ARL13B: variants seen among roughly 807,000 people sequenced by gnomAD.
ARL13B encodes ADP-ribosylation factor-like protein 13B.
In ARL13B, 36 loss-of-function variants were observed where a neutral mutation model predicts 56.1. The observed-to-expected ratio is 0.64, with a 90% CI of 0.49 to 0.85. The LOEUF (loss-of-function observed/expected upper bound fraction) is 0.85, where lower values mean the gene tolerates loss of function less well. Ranked by LOEUF, ARL13B falls within the 40% of genes least tolerant of loss-of-function variation. The pLI, the probability that ARL13B is intolerant of heterozygous loss-of-function variation, is 0.00. For synonymous variants in ARL13B, 178 were observed against 171.1 expected (o/e 1.04, Z -0.32); for missense variants, 519 against 507.1 (o/e 1.02, Z -0.23).
intron 7 of ARL13B, 114 bp downstream of exon 7, chr3:94,043,354 C>A: frequency 1.1e-6 from 1 of 930,006 alleles, no homozygotes; most frequent in Non-Finnish European, 1.6e-6. Flanking sequence ...ATTTTTCTGT[C>A]TTCAAATGCC....
intron 1 of ARL13B, chr3:93,989,023 G>T: frequency 1.2e-5 from 3 of 259,504 alleles, no homozygotes; most frequent in South Asian, 4.1e-5. Flanking sequence ...GGGCTGCCTG[G>T]CTACTGGCAC....
chr3:94,015,538 C>G (rs991866942), intron 3 of ARL13B, among the ~76,000 whole-genome samples: 1 of 152,120 alleles, frequency 6.6e-6, no homozygotes, highest in Admixed American at 6.5e-5. Context: ...AGCAGTGATG[C>G]AGACACAGTT....
intron 3 of ARL13B, among the ~76,000 whole-genome samples, chr3:94,016,623 T>C (rs1575983730): frequency 6.6e-6 from 1 of 151,734 alleles, no homozygotes; most frequent in Admixed American, 6.6e-5. Context: ...TATGAAAGTA[T>C]TGGAGATTTT....
At chr3:94,045,632 C>G (rs918174059) in intron 7 of ARL13B, among the ~76,000 whole-genome samples, 1 of 151,656 alleles carries the variant, frequency 6.6e-6, no homozygotes, top group Non-Finnish European at 1.5e-5. Flanking sequence ...GAAGAAAGAT[C>G]AAGGTTAAAG....
At chr3:94,014,913 T>C (rs113044944) in intron 3 of ARL13B, 4 of 1,613,464 alleles carry the variant, frequency 2.5e-6, no homozygotes, top group Non-Finnish European at 3.4e-6. Flanking sequence ...TTTCAACCTC[T>C]GACTTTTTAA....
chr3:94,027,611 CATT>C (rs969501644), intron 3 of ARL13B, among the ~76,000 whole-genome samples: 5 of 151,944 alleles, frequency 3.3e-5, no homozygotes, highest in Non-Finnish European at 7.4e-5. Flanking sequence ...ATATAAAAGT[CATT>C]ATTATTTTGA....
At chr3:94,048,655 C>G (rs2077020390) in intron 7 of ARL13B, among the ~76,000 whole-genome samples, 1 of 151,744 alleles carries the variant, frequency 6.6e-6, no homozygotes, top group South Asian at 2.1e-4. Context: ...GGCAGTGTCA[C>G]AATCACACTC....
chr3:94,046,804 G>T (rs899129799), intron 7 of ARL13B, among the ~76,000 whole-genome samples: 3 of 151,820 alleles, frequency 2.0e-5, no homozygotes, highest in Non-Finnish European at 4.4e-5. Flanking sequence ...AAAATGTCTT[G>T]TCAAATAGCC....
At chr3:93,983,082 A>C (rs557504573) in intron 1 of ARL13B, among the ~76,000 whole-genome samples, 5 of 152,314 alleles carry the variant, frequency 3.3e-5, no homozygotes, top group Non-Finnish European at 7.3e-5. Flanking sequence ...AAAAGAGATG[A>C]TGATGGTTAT....
At chr3:93,992,413 C>T (rs1372887912) in intron 1 of ARL13B, among the ~76,000 whole-genome samples, 1 of 152,134 alleles carries the variant, frequency 6.6e-6, no homozygotes, top group East Asian at 1.9e-4. Context: ...GGCTCTGTAG[C>T]CTGCTGTCTA....
chr3:94,013,755 C>T (rs142704658), intron 3 of ARL13B, among the ~76,000 whole-genome samples: 70 of 152,240 alleles, frequency 4.6e-4, no homozygotes, highest in African/African-American at 1.6e-3. Flanking sequence ...AGACCAGCCT[C>T]GCCAACATAG....
rs373224518 is a variant in ARL13B, at chr3:94,050,903, A to C, written c.1210+11A>C. ...AAACACATCATAATGGTAATGCAAA[A>C]GGATTGGTTTTCAGATATCATCTGT... On this transcript the variant is annotated intron_variant, in intron 9 of 9. Coordinates refer to ENST00000394222, the MANE Select transcript of ARL13B (RefSeq NM_001174150.2). The C allele has an allele frequency of 1.8e-5, 29 of 1,611,928 alleles. No individual in the cohort carries two copies. The highest frequency in any genetic ancestry group is 2.5e-5 in the Non-Finnish European group (29 of 1,178,884).
At position 93,980,604 on chromosome 3, in the gene ARL13B, A is replaced by G. The variant is rs376806709; in HGVS notation, c.59+122A>G. On this transcript the variant is annotated intron_variant, in intron 1 of 9. Transcript: ENST00000394222. ...ATCCCAGGCCGCAAGGGATGCTTTC[A>G]TTCCCAGGGTGTCCCGGGAGGGAGA... 15 of 1,218,472 alleles carry G rather than the reference A, an allele frequency of 1.2e-5. 1 individual carries two copies. The highest frequency in any genetic ancestry group is 2.7e-4 in the Middle Eastern group (1 of 3,690). 75.5% of individuals were successfully genotyped at this position (1,218,472 alleles called of 1,614,324 possible).
intron 3 of ARL13B, among the ~76,000 whole-genome samples, chr3:94,023,627 A>C (rs982332394): frequency 3.3e-5 from 5 of 152,166 alleles, no homozygotes; most frequent in African/African-American, 1.2e-4. Context: ...GGGAATTTTA[A>C]AGTGACTTGC....
chr3:93,988,589 A>C (rs189982032), intron 1 of ARL13B: 1 of 435,106 alleles, frequency 2.3e-6, no homozygotes, highest in Non-Finnish European at 4.5e-6. Context: ...TGGATTGTAC[A>C]AGAAGGGAGA....
chr3:94,012,463 C>G (rs1345484019), intron 3 of ARL13B, among the ~76,000 whole-genome samples: 1 of 152,088 alleles, frequency 6.6e-6, no homozygotes, highest in African/African-American at 2.4e-5. Flanking sequence ...AGAAGTTAAT[C>G]TAACTTTTTC....
At position 94,055,541 on chromosome 3, in the gene ARL13B, A is replaced by C. The variant is rs779645955; in HGVS notation, c.*2278A>C. The C allele has an allele frequency of 2.2e-6, 1 of 454,000 alleles. No homozygotes were observed. The highest frequency in any genetic ancestry group is 1.6e-5 in the South Asian group (1 of 64,472). 28.1% of individuals were successfully genotyped at this position (454,000 alleles called of 1,614,324 possible). A position where few individuals can be genotyped will look rare whatever the true frequency, so the allele number is the denominator to read the frequency against. On this transcript the variant is annotated 3_prime_UTR_variant, in exon 10 of 10. Transcript: ENST00000394222. ...GGATTTGATGTCTGTCTTGCGTTAA[A>C]GCTGTTGGTCAACAGATATGTTTTT... is the stretch of plus-strand genomic sequence containing the variant.
At chr3:94,044,282 G>T (rs1016489838) in intron 7 of ARL13B, among the ~76,000 whole-genome samples, 2 of 151,114 alleles carry the variant, frequency 1.3e-5, no homozygotes, top group African/African-American at 4.9e-5. Flanking sequence ...TGTCTGGGAA[G>T]TGAGGAGCGC....
At chr3:94,033,795 A>C (rs2076717297) in intron 3 of ARL13B, among the ~76,000 whole-genome samples, 1 of 152,224 alleles carries the variant, frequency 6.6e-6, no homozygotes, top group Admixed American at 6.5e-5. Context: ...CCTACGAAGT[A>C]TGCTTGCCAA....
Sources: gnomAD v4.1 joint callset for allele counts (sites outside exome capture counted in the v4.1 genomes callset) on GRCh38, gnomAD v4.1.1 for gene constraint, MANE v1.5 for transcripts, NCBI Gene and HGNC (gene_info 2026-07-23, HGNC 2026-07-21) for gene names.